Variants in TMEM63C observed in about 807,000 individuals in gnomAD.
The protein encoded by TMEM63C is transmembrane protein 63C.
In TMEM63C, 32 loss-of-function variants were observed where a neutral mutation model predicts 99.2. That is an observed-to-expected ratio of 0.32 (90% confidence interval 0.24 to 0.43). The LOEUF is 0.43. TMEM63C is among the 20% of genes least tolerant of loss of function. TMEM63C has a pLI of 1.00. For synonymous variants in TMEM63C, 376 were observed against 397.9 expected (o/e 0.94, Z 0.66); for missense variants, 826 against 1,053.0 (o/e 0.78, Z 2.98).
intron 1 of TMEM63C, among the ~76,000 whole-genome samples, chr14:77,211,899 C>A (rs1361230852): frequency 2.6e-5 from 4 of 152,192 alleles, no homozygotes; most frequent in Admixed American, 6.5e-5. Flanking sequence ...TCTCCCACTG[C>A]CCCTCCTTGG....
intron 12 of TMEM63C, 143 bp downstream of exon 12, chr14:77,239,869 T>C (rs1889134563): frequency 1.7e-6 from 2 of 1,209,404 alleles, no homozygotes; most frequent in East Asian, 5.2e-5. Context: ...TTCCTCCCCA[T>C]CCACCATGTC....
intron 5 of TMEM63C, among the ~76,000 whole-genome samples, chr14:77,221,645 A>C (rs1374884412): frequency 4.7e-5 from 2 of 42,116 alleles, no homozygotes; most frequent in Non-Finnish European, 4.4e-5. Flanking sequence ...CCTCCCTCTC[A>C]CACCTCCCCT....
chr14:77,209,861 G>T (rs1458658010), intron 1 of TMEM63C, among the ~76,000 whole-genome samples: 2 of 152,022 alleles, frequency 1.3e-5, no homozygotes, highest in Non-Finnish European at 2.9e-5. Context: ...GTAATGGGAG[G>T]AATACCAGAG....
chr14:77,233,309 G>A (rs1054247943), intron 7 of TMEM63C, 143 bp from the exon 8 acceptor site: 14 of 790,314 alleles, frequency 1.8e-5, no homozygotes, highest in Non-Finnish European at 2.9e-5. Context: ...AAAAGTTGGG[G>A]AGAAGCTCTG....
At position 77,233,435 on chromosome 14, in the gene TMEM63C, A is replaced by G. The variant is rs1200815607; in HGVS notation, c.494-17A>G. 1.2e-6 allele frequency: 2 copies of G among 1,612,404 alleles called. No homozygotes were observed. Among genetic ancestry groups the G allele is most frequent in the African/African-American group, 1.3e-5 (1 of 74,884 alleles). On this transcript the variant is annotated splice_polypyrimidine_tract_variant and intron_variant, in intron 7 of 23. Coordinates refer to ENST00000298351, the MANE Select transcript of TMEM63C (RefSeq NM_020431.4). Reference sequence around the variant, plus strand: ...TGAGGAGCCAGGCTCGAGGTCAGCAACTTCTTTCTCTTTCAGACTGGAGCA... The same window carrying G: ...TGAGGAGCCAGGCTCGAGGTCAGCAGCTTCTTTCTCTTTCAGACTGGAGCA...
At chr14:77,187,090 A>G (rs1010074964) in intron 1 of TMEM63C, among the ~76,000 whole-genome samples, 3 of 152,156 alleles carry the variant, frequency 2.0e-5, no homozygotes, top group African/African-American at 2.4e-5. Context: ...AGTCTGAGTC[A>G]CCCGCTCAAT....
Position 77,231,610 on chromosome 14 carries a change from T to C in TMEM63C, c.373T>C (p.Cys125Arg), listed in dbSNP as rs1199461267. The C allele has an allele frequency of 4.5e-6, 7 of 1,551,478 alleles. No homozygotes were observed. The highest frequency in any genetic ancestry group is 6.1e-6 in the Non-Finnish European group (7 of 1,146,968). Residue 125 changes from cysteine (C) to arginine (R), a missense_variant, in exon 7 of 24, where the codon TGT becomes CGT. By Grantham distance (180) the Cys-to-Arg change is radical. Coordinates refer to ENST00000298351, the MANE Select transcript of TMEM63C (RefSeq NM_020431.4). ...CAGGGACGAGGATCTGATTAACAAG[T>C]GTGGGGACGACGCGCGCATCTACAT... is the stretch of plus-strand genomic sequence containing the variant. Reference protein sequence around the residue: ...TMKDEDLINKCGDDARIYIVF... With the variant: ...TMKDEDLINKRGDDARIYIVF...
intron 6 of TMEM63C, among the ~76,000 whole-genome samples, chr14:77,228,792 C>A (rs967769492): frequency 6.6e-6 from 1 of 152,064 alleles, no homozygotes; most frequent in Non-Finnish European, 1.5e-5. Context: ...CCATCTTGGC[C>A]CCCCAAAGTG....
intron 21 of TMEM63C, 71 bp from the exon 22 acceptor site, chr14:77,251,718 T>C: frequency 7.9e-7 from 1 of 1,272,804 alleles, no homozygotes; most frequent in Non-Finnish European, 1.1e-6. Context: ...TGACGGTCCC[T>C]GGCATCTGCC....
intron 5 of TMEM63C, among the ~76,000 whole-genome samples, chr14:77,223,593 G>A (rs932006410): frequency 6.6e-6 from 1 of 152,098 alleles, no homozygotes; most frequent in African/African-American, 2.4e-5. Flanking sequence ...CTTTCTGAAT[G>A]GTTTATGCCT....
intron 1 of TMEM63C, among the ~76,000 whole-genome samples, chr14:77,184,846 C>T (rs888068): frequency 0.61 from 91,766 of 151,584 alleles, 29,460 homozygotes; most frequent in East Asian, 0.78. Context: ...GGGCAGCTCA[C>T]GAAGTATGGT....
At chr14:77,199,348 C>T (rs909691587) in intron 1 of TMEM63C, among the ~76,000 whole-genome samples, 2 of 152,194 alleles carry the variant, frequency 1.3e-5, no homozygotes, top group African/African-American at 4.8e-5. Flanking sequence ...TCAATAGCTC[C>T]GCACTGCCTA....
At chr14:77,244,547 C>A in intron 16 of TMEM63C, 92 bp downstream of exon 16, 1 of 959,244 alleles carries the variant, frequency 1.0e-6, no homozygotes, top group Non-Finnish European at 1.7e-6. Context: ...TGGGCCTCCC[C>A]TCTAGCCTAA....
chr14:77,252,569 A>G (rs113112218), intron 22 of TMEM63C, among the ~76,000 whole-genome samples: 1 of 152,354 alleles, frequency 6.6e-6, no homozygotes, highest in Non-Finnish European at 1.5e-5. Context: ...ATGGTTACGT[A>G]TTTAACATTA....
intron 1 of TMEM63C, among the ~76,000 whole-genome samples, chr14:77,189,205 G>T (rs1594847469): frequency 6.6e-6 from 1 of 151,522 alleles, no homozygotes; most frequent in South Asian, 2.1e-4. Context: ...CACTTTTCAG[G>T]CTCAAGCGAT....
rs1889235196 is a variant in TMEM63C, at chr14:77,244,445, C to T, written c.1438C>T (p.His480Tyr). ...IVYFSAFLEA[H>Y]WTRSSQNLVM... ...CTACTTCTCCGCCTTCCTCGAGGCC[C>T]ACTGGACCAGGTGACCTGGGGGCCT... Residue 480 changes from histidine (H) to tyrosine (Y), a missense_variant, in exon 16 of 24, where the codon CAC becomes TAC. Physicochemically the swap from His to Tyr is moderately conservative, Grantham distance 83. Transcript: ENST00000298351. 2 of 1,613,606 alleles carry T rather than the reference C, an allele frequency of 1.2e-6. No homozygotes were observed. Among genetic ancestry groups the T allele is most frequent in the Non-Finnish European group, 1.7e-6 (2 of 1,179,670 alleles).
At chr14:77,248,559 G>T (rs1438159631) in intron 19 of TMEM63C, 50 bp downstream of exon 19, 4 of 1,555,618 alleles carry the variant, frequency 2.6e-6, no homozygotes, top group Middle Eastern at 1.7e-4. Context: ...CTTTGGGAGG[G>T]TGTCAGGGAT....
intron 1 of TMEM63C, among the ~76,000 whole-genome samples, chr14:77,185,513 G>A (rs758796918): frequency 5.9e-5 from 9 of 152,222 alleles, no homozygotes; most frequent in Non-Finnish European, 1.3e-4. Flanking sequence ...GTGACCCTAA[G>A]GTCTTTGGAG....
chr14:77,252,287 C>G (rs1387178980), intron 22 of TMEM63C, among the ~76,000 whole-genome samples: 1 of 151,914 alleles, frequency 6.6e-6, no homozygotes, highest in Non-Finnish European at 1.5e-5. Flanking sequence ...GCTGATGATT[C>G]AAAAAGAGGG....
Sources: allele counts gnomAD v4.1 joint callset (sites outside exome capture counted in the v4.1 genomes callset), GRCh38; gene constraint gnomAD v4.1.1; transcripts MANE v1.5; gene names NCBI Gene and HGNC (gene_info 2026-07-23, HGNC 2026-07-21).